The following C1orf21 variants were observed in gnomAD, a reference collection of about 807,000 sequenced individuals.
C1orf21 encodes the protein uncharacterized protein C1orf21.
C1orf21 carries 3 observed loss-of-function variants against 18.7 expected under a neutral mutation model. The observed-to-expected ratio is 0.16, with a 90% confidence interval of 0.07 to 0.42. The LOEUF is 0.42. C1orf21 is among the 10% of genes least tolerant of loss of function. C1orf21 has a pLI of 0.99. For synonymous variants in C1orf21, 41 were observed against 46.4 expected, an observed-to-expected ratio of 0.88 and a Z score of 0.47; for missense variants, 104 against 143.6, an observed-to-expected ratio of 0.72 and a Z score of 1.41.
At chr1:184,427,185 GT>G (rs943596605) in intron 1 of C1orf21, among the ~76,000 whole-genome samples, 1 of 152,180 alleles carries the variant, frequency 6.6e-6, no homozygotes, top group Non-Finnish European at 1.5e-5. Flanking sequence ...AAACCAGGGT[GT>G]AAAAGTTAAC....
At chr1:184,433,476 A>C (rs1002594429) in intron 1 of C1orf21, among the ~76,000 whole-genome samples, 1 of 152,140 alleles carries the variant, frequency 6.6e-6, no homozygotes, top group Non-Finnish European at 1.5e-5. Flanking sequence ...TGCCTACAGA[A>C]GGAATGATTA....
chr1:184,393,426 C>A (rs1656003391), intron 1 of C1orf21, among the ~76,000 whole-genome samples: 2 of 152,186 alleles, frequency 1.3e-5, no homozygotes, highest in African/African-American at 2.4e-5. Context: ...TCTCAGGCTC[C>A]CGCCATCTCA....
chr1:184,448,658 C>G (rs190750624), intron 1 of C1orf21, among the ~76,000 whole-genome samples: 1 of 152,166 alleles, frequency 6.6e-6, no homozygotes, highest in Non-Finnish European at 1.5e-5. Flanking sequence ...TCTTTTCCTT[C>G]TCTAGGTGTG....
At chr1:184,513,759 G>A (rs190321979) in intron 3 of C1orf21, among the ~76,000 whole-genome samples, 1 of 152,356 alleles carries the variant, frequency 6.6e-6, no homozygotes, top group East Asian at 1.9e-4. Context: ...ACACAAGTAT[G>A]GAAAGAGCTG....
intron 3 of C1orf21, among the ~76,000 whole-genome samples, chr1:184,508,995 A>G (rs1367967106): frequency 1.3e-5 from 2 of 152,330 alleles, no homozygotes; most frequent in South Asian, 2.1e-4. Flanking sequence ...TTATTTTACT[A>G]AACAACAGAG....
chr1:184,545,285 A>G (rs2101979187), intron 3 of C1orf21, among the ~76,000 whole-genome samples: 1 of 152,344 alleles, frequency 6.6e-6, no homozygotes, highest in Admixed American at 6.5e-5. Flanking sequence ...CCTGTTAAAA[A>G]GAATAAAAAA....
At chr1:184,471,964 G>A (rs1292824383) in intron 1 of C1orf21, among the ~76,000 whole-genome samples, 2 of 151,930 alleles carry the variant, frequency 1.3e-5, no homozygotes, top group Non-Finnish European at 2.9e-5. Flanking sequence ...TATTTTTAAC[G>A]TTCACAATGA....
chr1:184,512,963 A>T (rs914186857), intron 3 of C1orf21, among the ~76,000 whole-genome samples: 5 of 152,230 alleles, frequency 3.3e-5, no homozygotes, highest in Non-Finnish European at 5.9e-5. Flanking sequence ...GTGGCATGAG[A>T]TTCTCATAGG....
chr1:184,598,386 C>G lies in C1orf21; in HGVS notation c.267-15C>G. 1 of 1,612,612 alleles carries G rather than the reference C, an allele frequency of 6.2e-7. No homozygotes were observed. Among genetic ancestry groups the G allele is most frequent in the Non-Finnish European group, 8.5e-7 (1 of 1,179,504 alleles). On this transcript the variant is annotated splice_polypyrimidine_tract_variant and intron_variant, in intron 4 of 5. Transcript: ENST00000235307. ...AAGCACTAAAATATGCACTTAACTACCCTTTGTTTTTCAGCATGCACATCT... is the reference window on the plus strand; with the variant it reads ...AAGCACTAAAATATGCACTTAACTAGCCTTTGTTTTTCAGCATGCACATCT...
chr1:184,419,689 A>G (rs1293951454), intron 1 of C1orf21, among the ~76,000 whole-genome samples: 1 of 152,208 alleles, frequency 6.6e-6, no homozygotes, highest in Admixed American at 6.5e-5. Flanking sequence ...TTTTAAATGA[A>G]TCTAACTGGG....
intron 1 of C1orf21, among the ~76,000 whole-genome samples, chr1:184,407,204 G>A (rs1290270526): frequency 6.6e-6 from 1 of 152,064 alleles, no homozygotes; most frequent in Non-Finnish European, 1.5e-5. Context: ...TGAACTCCTG[G>A]TCTCAAGCAA....
At chr1:184,482,154 A>G (rs773386146) in intron 2 of C1orf21, among the ~76,000 whole-genome samples, 3 of 152,142 alleles carry the variant, frequency 2.0e-5, no homozygotes, top group Non-Finnish European at 2.9e-5. Context: ...GCTGGAGTTC[A>G]TCTGTTGTTC....
chr1:184,466,314 ACT>A (rs1271312746), intron 1 of C1orf21, among the ~76,000 whole-genome samples: 4 of 152,084 alleles, frequency 2.6e-5, no homozygotes, highest in African/African-American at 9.6e-5. Flanking sequence ...CGGTCTAAAG[ACT>A]CTTCAGTCCG....
intron 1 of C1orf21, among the ~76,000 whole-genome samples, chr1:184,458,108 A>C (rs776996085): frequency 1.6e-4 from 24 of 152,112 alleles, no homozygotes; most frequent in South Asian, 4.1e-4. Context: ...TCTGACTCCA[A>C]AGCCTACGTT....
At chr1:184,571,725 GA>G (rs1659116539) in intron 3 of C1orf21, among the ~76,000 whole-genome samples, 1 of 152,172 alleles carries the variant, frequency 6.6e-6, no homozygotes, top group African/African-American at 2.4e-5. Flanking sequence ...CTCATCATTA[GA>G]TATTGGAACA....
At chr1:184,470,534 A>G (rs1657479176) in intron 1 of C1orf21, among the ~76,000 whole-genome samples, 1 of 152,132 alleles carries the variant, frequency 6.6e-6, no homozygotes, top group Non-Finnish European at 1.5e-5. Flanking sequence ...GTCCCCCATG[A>G]CACAAGCTGA....
At chr1:184,594,457 G>A (rs918210480) in intron 4 of C1orf21, among the ~76,000 whole-genome samples, 1 of 152,124 alleles carries the variant, frequency 6.6e-6, no homozygotes, top group Admixed American at 6.5e-5. Context: ...GACCCAAGAA[G>A]TGACAAAACC....
intron 3 of C1orf21, among the ~76,000 whole-genome samples, chr1:184,515,959 C>A (rs866873184): frequency 1.3e-5 from 2 of 152,076 alleles, no homozygotes; most frequent in Middle Eastern, 3.2e-3. Flanking sequence ...ATTACAGGCA[C>A]CTGCCACCAC....
Position 184,456,549 on chromosome 1 carries a change from G to C in C1orf21, c.-124-20837G>C, listed in dbSNP as rs538442419. Among the ~76,000 whole-genome samples the C allele has an allele frequency of 3.3e-5, 5 of 152,322 alleles. No homozygotes were observed. In the South Asian group the frequency reaches 1.0e-3, roughly 32 times the overall value. On this transcript the variant is annotated intron_variant, in intron 1 of 5. Transcript: ENST00000235307. ...TATGTTTATATTCTTTTACGGTAAA[G>C]ACAGTTCCACTGTTCCTCTTTAGAA...
Sources: gnomAD v4.1 joint callset for allele counts (sites outside exome capture counted in the v4.1 genomes callset) on GRCh38, gnomAD v4.1.1 for gene constraint, MANE v1.5 for transcripts, NCBI Gene and HGNC (gene_info 2026-07-23, HGNC 2026-07-21) for gene names.